The following ADAMTSL1 variants were observed in gnomAD, a reference collection of about 807,000 sequenced individuals.
ADAMTSL1 encodes ADAMTS like 1, also known as ADAMTS-like protein 1.
In ADAMTSL1, 126 loss-of-function variants were observed where a neutral mutation model predicts 201.8. The ratio of observed to expected loss-of-function variants is 0.62; its 90% CI spans 0.54 to 0.72. The LOEUF is 0.72. ADAMTSL1 is among the 30% of genes least tolerant of loss of function. ADAMTSL1 has a pLI of 0.00. For synonymous variants in ADAMTSL1, 1,121 were observed against 903.4 expected, an observed-to-expected ratio of 1.24 and a Z score of -4.32; for missense variants, 2,679 against 2,277.8, an observed-to-expected ratio of 1.18 and a Z score of -3.59.
At chr9:18,248,731 G>T (rs1831354739) in intron 2 of ADAMTSL1, among the ~76,000 whole-genome samples, 1 of 152,186 alleles carries the variant, frequency 6.6e-6, no homozygotes, top group African/African-American at 2.4e-5. Context: ...CCCTTTTTTG[G>T]TCTGTGTGCC....
intron 1 of ADAMTSL1, among the ~76,000 whole-genome samples, chr9:18,026,236 G>A (rs185591909): frequency 5.3e-5 from 8 of 152,030 alleles, no homozygotes; most frequent in African/African-American, 1.9e-4. Flanking sequence ...TGGACTTCCA[G>A]TACTGTAATA....
At chr9:18,645,964 G>A (rs375562653) in intron 7 of ADAMTSL1, among the ~76,000 whole-genome samples, 2 of 151,252 alleles carry the variant, frequency 1.3e-5, no homozygotes, top group Non-Finnish European at 2.9e-5. Flanking sequence ...CATTGAATCT[G>A]TAAATTACCT....
chr9:17,916,592 C>T (rs1345046025), intron 1 of ADAMTSL1, among the ~76,000 whole-genome samples: 6 of 152,112 alleles, frequency 3.9e-5, no homozygotes, highest in African/African-American at 1.2e-4. Flanking sequence ...ACTGAATTGT[C>T]TTTGTACTTC....
chr9:18,388,987 C>T (rs1053952271), intron 2 of ADAMTSL1, among the ~76,000 whole-genome samples: 1 of 152,000 alleles, frequency 6.6e-6, no homozygotes. Context: ...GAACTCCTGA[C>T]CTCATGATCC....
At chr9:18,725,795 A>G (rs1012156015) in intron 15 of ADAMTSL1, among the ~76,000 whole-genome samples, 1 of 152,224 alleles carries the variant, frequency 6.6e-6, no homozygotes, top group African/African-American at 2.4e-5. Context: ...ATACACTTCC[A>G]GATAGTTTTC....
intron 1 of ADAMTSL1, among the ~76,000 whole-genome samples, chr9:17,931,515 T>C (rs1011615419): frequency 6.6e-6 from 1 of 152,306 alleles, no homozygotes; most frequent in South Asian, 2.1e-4. Context: ...AAAATGTACA[T>C]TTAAACTCTA....
chr9:18,584,198 G>T lies in ADAMTSL1; in HGVS notation c.474+9932G>T, dbSNP rs570404864. Among the ~76,000 whole-genome samples the T allele has an allele frequency of 2.0e-5, 3 of 152,268 alleles. No homozygotes were observed. In the East Asian group the frequency reaches 5.8e-4, roughly 29 times the overall value. On this transcript the variant is annotated intron_variant, in intron 4 of 28. Coordinates refer to ENST00000380548, the MANE Select transcript of ADAMTSL1 (RefSeq NM_001040272.6). ...CCACGTGTTGTGGGAGGATCCCATT[G>T]GGAGGTGATTGAATTATGGGTGCAG...
chr9:18,318,671 G>T (rs1233509238), intron 2 of ADAMTSL1, among the ~76,000 whole-genome samples: 1 of 151,896 alleles, frequency 6.6e-6, no homozygotes, highest in African/African-American at 2.4e-5. Context: ...ATTGGAAAAA[G>T]TACCCCAGAG....
intron 8 of ADAMTSL1, among the ~76,000 whole-genome samples, chr9:18,661,712 A>G (rs1417168196): frequency 6.6e-6 from 1 of 152,192 alleles, no homozygotes; most frequent in Non-Finnish European, 1.5e-5. Flanking sequence ...TTCAAGCCTA[A>G]TTATATAATG....
intron 15 of ADAMTSL1, among the ~76,000 whole-genome samples, chr9:18,727,501 T>C (rs1345718483): frequency 6.6e-6 from 1 of 152,252 alleles, no homozygotes. Context: ...CATTGATGGA[T>C]AGGAATCTGC....
At chr9:18,441,141 G>T (rs1819977878) in intron 2 of ADAMTSL1, among the ~76,000 whole-genome samples, 1 of 151,972 alleles carries the variant, frequency 6.6e-6, no homozygotes, top group Admixed American at 6.6e-5. Flanking sequence ...ACAAAAAGTA[G>T]ATTAGTAGCT....
chr9:18,765,234 G>C (rs1223118320), intron 16 of ADAMTSL1, among the ~76,000 whole-genome samples: 3 of 152,160 alleles, frequency 2.0e-5, no homozygotes, highest in Non-Finnish European at 2.9e-5. Flanking sequence ...CCATTGAAGA[G>C]ATCCATACTC....
At chr9:18,099,283 C>G (rs1824385891) in intron 1 of ADAMTSL1, among the ~76,000 whole-genome samples, 2 of 135,770 alleles carry the variant, frequency 1.5e-5, no homozygotes. Context: ...CATTTTCTTT[C>G]CCGAGTAAGT....
At chr9:18,412,966 A>G (rs1240475318) in intron 2 of ADAMTSL1, among the ~76,000 whole-genome samples, 2 of 152,084 alleles carry the variant, frequency 1.3e-5, no homozygotes, top group Non-Finnish European at 2.9e-5. Context: ...AGAGATATCT[A>G]TGTGTGTGTG....
chr9:18,906,891 A>T lies in ADAMTSL1; in HGVS notation c.5161A>T (p.Asn1721Tyr), dbSNP rs373467293. ...CCGGCCTGCCAACTGGCAGCGCTGC[A>T]ACATCACCCCATGTGAAAACAGTAT... ...GPRPANWQRC[N>Y]ITPCENMECR... The change falls in exon 28 of 29, where the codon AAC becomes TAC. Residue 1721 changes from asparagine to tyrosine, a missense_variant. Transcript: ENST00000380548. 1.9e-6 allele frequency: 3 copies of T among 1,613,968 alleles called. No individual in the cohort carries two copies. The highest frequency in any genetic ancestry group is 2.5e-6 in the Non-Finnish European group (3 of 1,179,864).
intron 23 of ADAMTSL1, among the ~76,000 whole-genome samples, chr9:18,839,279 C>T (rs535298112): frequency 2.6e-4 from 39 of 148,720 alleles, no homozygotes; most frequent in South Asian, 1.1e-3. Flanking sequence ...TGAGAACATG[C>T]GGTGTTTGGT....
intron 2 of ADAMTSL1, among the ~76,000 whole-genome samples, chr9:18,516,735 C>T (rs1587431890): frequency 6.6e-6 from 1 of 152,186 alleles, no homozygotes; most frequent in Admixed American, 6.5e-5. Flanking sequence ...AACAAGTGTT[C>T]CATAAATATT....
intron 1 of ADAMTSL1, among the ~76,000 whole-genome samples, chr9:17,981,500 G>A (rs1356604890): frequency 6.6e-6 from 1 of 152,112 alleles, no homozygotes; most frequent in Non-Finnish European, 1.5e-5. Flanking sequence ...TATTTCCTGT[G>A]TGTCTTATTA....
intron 20 of ADAMTSL1, among the ~76,000 whole-genome samples, chr9:18,811,012 CAAAAAAAAAAAA>C (rs76456235): frequency 2.6e-5 from 1 of 38,790 alleles, no homozygotes. Context: ...CAATGAGTAC[CAAAAAAAAAAAA>C]AAAAAAAAAA....
Sources: allele counts gnomAD v4.1 joint callset (sites outside exome capture counted in the v4.1 genomes callset), GRCh38; gene constraint gnomAD v4.1.1; transcripts MANE v1.5; gene names NCBI Gene and HGNC (gene_info 2026-07-23, HGNC 2026-07-21).